Variants in TTLL3 observed in about 807,000 individuals in gnomAD.
TTLL3 encodes tubulin tyrosine ligase like 3.
TTLL3 carries 63 observed loss-of-function variants against 75.2 expected under a neutral mutation model. The ratio of observed to expected loss-of-function variants is 0.84; its 90% CI spans 0.68 to 1.03. The LOEUF is 1.03. Among genes scored for constraint, TTLL3 ranks in the 50% least tolerant of loss-of-function variants. TTLL3 has a pLI of 0.00. For synonymous variants in TTLL3, 393 were observed against 418.5 expected (o/e 0.94, Z 0.74); for missense variants, 997 against 1,069.9 (o/e 0.93, Z 0.95).
At chr3:9,821,276 T>C (rs2124846212) in intron 8 of TTLL3, among the ~76,000 whole-genome samples, 2 of 152,292 alleles carry the variant, frequency 1.3e-5, no homozygotes, top group Middle Eastern at 6.8e-3. Context: ...AGGATCAAGG[T>C]GAGCCTGGTG....
Position 9,817,619 on chromosome 3 carries a change from T to G in TTLL3, c.445-26T>G, listed in dbSNP as rs2080010262. The stretch of plus-strand genomic sequence containing the variant: ...GTGGTGAGTGTGGGCAGTCCTGCCC[T>G]GCCCTCTCAGTGGCTAACTCCGTAG... On this transcript the variant is annotated intron_variant, in intron 5 of 13. Coordinates refer to ENST00000685419, the MANE Select transcript of TTLL3 (RefSeq NM_001387446.1). 3 of 1,613,702 alleles carry G rather than the reference T, an allele frequency of 1.9e-6. No individual in the cohort carries two copies. In the East Asian group the frequency reaches 6.7e-5, roughly 36 times the overall value.
At chr3:9,818,666 C>T in intron 6 of TTLL3, 156 bp from the exon 7 acceptor site, 1 of 1,502,198 alleles carries the variant, frequency 6.7e-7, no homozygotes, top group South Asian at 1.3e-5. Flanking sequence ...CCGTGACCAG[C>T]CTGAAACAGG....
Position 9,812,945 on chromosome 3 carries a change from G to A in TTLL3, c.51G>A (p.Gln17=). Residue 17 remains glutamine, a splice_region_variant and synonymous_variant, in exon 3 of 14, where the codon CAG becomes CAA. Coordinates refer to ENST00000685419, the MANE Select transcript of TTLL3 (RefSeq NM_001387446.1). The part of the protein sequence containing the change: ...AKIYVERAVK[Q]KKIFTIQGCY... ...AGTATCCTTCTCTCACATTGCAGCA[G>A]AAGAAGATCTTTACAATCCAAGGCT... 1 of 1,499,672 alleles carries A rather than the reference G, an allele frequency of 6.7e-7. No individual in the cohort carries two copies. 92.9% of individuals were successfully genotyped at this position (1,499,672 alleles called of 1,614,324 possible).
chr3:9,830,328 G>C (rs2081403959), intron 11 of TTLL3, among the ~76,000 whole-genome samples: 1 of 152,038 alleles, frequency 6.6e-6, no homozygotes, highest in African/African-American at 2.4e-5. Context: ...CACTCGTCTT[G>C]CTCCAAAAAG....
At chr3:9,822,288 C>T (rs1018988820) in intron 8 of TTLL3, among the ~76,000 whole-genome samples, 27 of 151,534 alleles carry the variant, frequency 1.8e-4, no homozygotes, top group African/African-American at 6.0e-4. Flanking sequence ...AGACTGGTAT[C>T]GAACTCCTGA....
Position 9,835,566 on chromosome 3 carries a change from A to C in TTLL3, c.*77A>C. The C allele has an allele frequency of 7.2e-7, 1 of 1,391,982 alleles. No homozygotes were observed. 86.2% of individuals were successfully genotyped at this position (1,391,982 alleles called of 1,614,324 possible). A position where few individuals can be genotyped will look rare whatever the true frequency, so the allele number is the denominator to read the frequency against. On this transcript the variant is annotated 3_prime_UTR_variant, in exon 14 of 14. Coordinates refer to ENST00000685419, the MANE Select transcript of TTLL3 (RefSeq NM_001387446.1). Reference sequence around the variant, plus strand: ...CAGACATGGGGCTTCCTATTTAGGGACTCCCCCAGCATCTCCGATCCAGGG... The same window carrying C: ...CAGACATGGGGCTTCCTATTTAGGGCCTCCCCCAGCATCTCCGATCCAGGG...
At chr3:9,819,997 G>A (rs1459726373) in intron 7 of TTLL3, 3 of 987,780 alleles carry the variant, frequency 3.0e-6, no homozygotes, top group Non-Finnish European at 1.2e-6. Flanking sequence ...AGATGTGCAC[G>A]GGGTCTTCTG....
At chr3:9,829,503 T>C in intron 11 of TTLL3, 108 bp downstream of exon 11, 1 of 1,402,342 alleles carries the variant, frequency 7.1e-7, no homozygotes, top group East Asian at 2.4e-5. Context: ...AAGACCCAGA[T>C]TCAAGTCCTG....
At chr3:9,812,886 C>T in intron 2 of TTLL3, 57 bp from the exon 3 acceptor site, 2 of 1,430,340 alleles carry the variant, frequency 1.4e-6, no homozygotes, top group Non-Finnish European at 1.8e-6. Context: ...TTTATATCCC[C>T]TATGTCTGGC....
intron 11 of TTLL3, among the ~76,000 whole-genome samples, chr3:9,831,111 C>G (rs2081487479): frequency 6.6e-6 from 1 of 152,130 alleles, no homozygotes; most frequent in Admixed American, 6.6e-5. Flanking sequence ...CTCTAAATGT[C>G]TTTTATTGCT....
intron 10 of TTLL3, chr3:9,828,537 T>C (rs568207142): frequency 4.4e-5 from 8 of 181,204 alleles, no homozygotes; most frequent in African/African-American, 1.9e-4. Flanking sequence ...AAGTGGGTAC[T>C]GTTACTACCC....
At position 9,825,414 on chromosome 3, in the gene TTLL3, G is replaced by A. The variant is rs556816831; in HGVS notation, c.855-386G>A. The A allele has an allele frequency of 2.9e-5, 8 of 279,568 alleles. No individual in the cohort carries two copies. In the East Asian group the frequency reaches 4.7e-4, roughly 16 times the overall value. The allele number at this position is 279,568 out of a possible 1,614,324, so 17.3% of individuals were successfully genotyped here. A position where few individuals can be genotyped will look rare whatever the true frequency, so the allele number is the denominator to read the frequency against. On this transcript the variant is annotated intron_variant, in intron 8 of 13. Coordinates refer to ENST00000685419, the MANE Select transcript of TTLL3 (RefSeq NM_001387446.1). ...CCCTGGCAGGGCCTTGAGGGCATTCGTGAAAATATATGGAAAGCCCTTGTC... is the reference window on the plus strand; with the variant it reads ...CCCTGGCAGGGCCTTGAGGGCATTCATGAAAATATATGGAAAGCCCTTGTC...
chr3:9,819,083 C>A, intron 7 of TTLL3, 163 bp downstream of exon 7: 1 of 919,542 alleles, frequency 1.1e-6, no homozygotes, highest in East Asian at 2.7e-5. Context: ...CATCCACCAG[C>A]CATCCATCCA....
chr3:9,833,429 C>T (rs1559229347), intron 12 of TTLL3, among the ~76,000 whole-genome samples, 184 bp downstream of exon 12: 1 of 152,214 alleles, frequency 6.6e-6, no homozygotes, highest in Non-Finnish European at 1.5e-5. Context: ...TGGGATGCCC[C>T]CAGCACCAGG....
In TTLL3 at chr3:9,829,283, C is replaced by A; in HGVS notation, c.1571C>A (p.Ala524Glu). 1 of 1,614,178 alleles carries A rather than the reference C, an allele frequency of 6.2e-7. No individual in the cohort carries two copies. Among genetic ancestry groups the A allele is most frequent in the Non-Finnish European group, 8.5e-7 (1 of 1,180,056 alleles). Reference sequence around the variant, plus strand: ...AGCCCCACGATGGCACCCTCCACAGCAGTCACTGCCCGGCTCTGTGCTGGC... The same window carrying A: ...AGCCCCACGATGGCACCCTCCACAGAAGTCACTGCCCGGCTCTGTGCTGGC... ...NASPTMAPSTAVTARLCAGVQ... is the reference protein window; with the variant it reads ...NASPTMAPSTEVTARLCAGVQ... Residue 524 changes from alanine to glutamate, a missense_variant, in exon 11 of 14, where the codon GCA becomes GAA. Coordinates refer to ENST00000685419, the MANE Select transcript of TTLL3 (RefSeq NM_001387446.1).
intron 10 of TTLL3, 142 bp downstream of exon 10, chr3:9,827,382 C>T (rs1395647861): frequency 7.0e-7 from 1 of 1,424,186 alleles, no homozygotes; most frequent in East Asian, 2.5e-5. Context: ...CTCATCCTGC[C>T]AGCTGTCCTT....
chr3:9,825,522 AAGGGGGTGGCACAGGTGGAGTGTTGGAGT>A, intron 8 of TTLL3: 3 of 497,926 alleles, frequency 6.0e-6, no homozygotes, highest in Non-Finnish European at 1.1e-5. Flanking sequence ...ATGTAATAGG[AAGGGGGTGGCACAGGTGGAGTGTTGGAGT>A]AGGGGGTGGT....
chr3:9,817,439 G>A (rs1014535499), intron 5 of TTLL3: 5 of 982,824 alleles, frequency 5.1e-6, no homozygotes, highest in Non-Finnish European at 6.0e-6. Context: ...AAAAAAGAAT[G>A]TGAAAGGGGG....
rs1039332402 is a variant in TTLL3 at position 9,833,161 on chromosome 3, A to G, written c.1741A>G (p.Ile581Val). ...GIRLLVEGFT[I>V]KKPMAMCHRR... ...CCGGCTCCTGGTAGAGGGCTTCACCATCAAGAAGCCCATGGCGATGTGTCA... is the reference window on the plus strand; with the variant it reads ...CCGGCTCCTGGTAGAGGGCTTCACCGTCAAGAAGCCCATGGCGATGTGTCA... The change falls in exon 12 of 14, where the codon ATC (isoleucine) becomes GTC (valine). Residue 581 changes from isoleucine (I) to valine (V), a missense_variant. By Grantham distance (29) the Ile-to-Val change is conservative. Transcript: ENST00000685419. 5 of 1,614,120 alleles carry G rather than the reference A, an allele frequency of 3.1e-6. No homozygotes were observed. In the South Asian group the frequency reaches 5.5e-5, roughly 18 times the overall value.
Sources: gnomAD v4.1 joint callset for allele counts (sites outside exome capture counted in the v4.1 genomes callset) on GRCh38, gnomAD v4.1.1 for gene constraint, MANE v1.5 for transcripts, NCBI Gene and HGNC (gene_info 2026-07-23, HGNC 2026-07-21) for gene names.